The following FGF12 variants were observed in gnomAD, a reference collection of about 807,000 sequenced individuals.
The protein encoded by FGF12 is fibroblast growth factor 12, also known as fibroblast growth factor 12B.
A neutral mutation model predicts 23.6 loss-of-function variants in FGF12; 14 were observed. That is an observed-to-expected ratio of 0.59 (90% CI 0.39 to 0.93). FGF12 has a LOEUF of 0.93. FGF12 is among the 40% of genes least tolerant of loss of function. The probability of loss-of-function intolerance (pLI) is 0.00; values close to 1 mark genes in which losing one functional copy is unlikely to be tolerated. For missense variants in FGF12, 175 were observed against 217.8 expected (o/e 0.80, Z 1.24); for synonymous variants, 62 against 77.3 (o/e 0.80, Z 1.04).
At chr3:192,258,221 G>A (rs150333878) in intron 4 of FGF12, among the ~76,000 whole-genome samples, 13,864 of 152,130 alleles carry the variant, frequency 0.091, 852 homozygotes, top group East Asian at 0.23. Flanking sequence ...AATTTGGGAG[G>A]CCAAGGTGGA....
chr3:192,609,788 A>C (rs1419389266), intron 2 of FGF12, among the ~76,000 whole-genome samples: 1 of 152,104 alleles, frequency 6.6e-6, no homozygotes, highest in East Asian at 1.9e-4. Context: ...TACCCCTTTT[A>C]ATATTTTTCT....
chr3:192,325,028 A>G (rs1716745629), intron 4 of FGF12, among the ~76,000 whole-genome samples: 1 of 152,320 alleles, frequency 6.6e-6, no homozygotes, highest in Admixed American at 6.5e-5. Context: ...TGTAAGTTAA[A>G]AATGGATGCT....
chr3:192,284,295 C>T (rs1337216131), intron 4 of FGF12, among the ~76,000 whole-genome samples: 3 of 152,106 alleles, frequency 2.0e-5, no homozygotes, highest in African/African-American at 2.4e-5. Context: ...TCACAGGGCA[C>T]CCTGCCCATT....
intron 2 of FGF12, among the ~76,000 whole-genome samples, chr3:192,385,564 C>G (rs189842648): frequency 1.5e-4 from 23 of 152,130 alleles, no homozygotes; most frequent in African/African-American, 3.4e-4. Context: ...ATTCACCCCC[C>G]CCAGCTCATA....
intron 2 of FGF12, chr3:192,533,919 CA>C (rs1725160659): frequency 6.6e-6 from 1 of 151,504 alleles, no homozygotes; most frequent in Non-Finnish European, 1.5e-5. Context: ...TAAATGTCGA[CA>C]AAACAAACCC....
At chr3:192,147,847 T>C (rs990220275) in intron 5 of FGF12, among the ~76,000 whole-genome samples, 4 of 152,218 alleles carry the variant, frequency 2.6e-5, no homozygotes, top group Non-Finnish European at 5.9e-5. Context: ...CTTATGTCTG[T>C]ATGTTAATCA....
chr3:192,389,045 C>T (rs1187975336), intron 2 of FGF12, among the ~76,000 whole-genome samples: 1 of 152,098 alleles, frequency 6.6e-6, no homozygotes, highest in Non-Finnish European at 1.5e-5. Context: ...TAATTAATGG[C>T]TAACCAATGT....
At chr3:192,722,699 C>A (rs753055590) in intron 2 of FGF12, among the ~76,000 whole-genome samples, 20 of 152,140 alleles carry the variant, frequency 1.3e-4, no homozygotes, top group Non-Finnish European at 2.6e-4. Context: ...GGCTATCCAA[C>A]GCATATAATT....
intron 2 of FGF12, among the ~76,000 whole-genome samples, chr3:192,640,798 TG>T (rs1428499995): frequency 6.9e-3 from 125 of 18,144 alleles, no homozygotes; most frequent in South Asian, 0.027. Flanking sequence ...CCCTTTTTTT[TG>T]TTTGTTTGTT....
At chr3:192,669,414 C>T (rs1046718145) in intron 2 of FGF12, among the ~76,000 whole-genome samples, 1 of 141,050 alleles carries the variant, frequency 7.1e-6, no homozygotes, top group South Asian at 2.4e-4. Context: ...AACAAAATTC[C>T]GTCTCTACAG....
chr3:192,680,533 G>A (rs1047214994), intron 2 of FGF12, among the ~76,000 whole-genome samples: 1 of 152,184 alleles, frequency 6.6e-6, no homozygotes, highest in Non-Finnish European at 1.5e-5. Flanking sequence ...AGGTCAGACT[G>A]TGTTGTGAGG....
chr3:192,588,242 C>T (rs1452223388), intron 2 of FGF12, among the ~76,000 whole-genome samples: 4 of 146,864 alleles, frequency 2.7e-5, no homozygotes, highest in African/African-American at 7.5e-5. Flanking sequence ...CCCAGCTACT[C>T]GGGAGGCTGA....
chr3:192,168,253 C>T (rs146384664), intron 5 of FGF12, among the ~76,000 whole-genome samples: 4 of 152,136 alleles, frequency 2.6e-5, no homozygotes, highest in African/African-American at 2.4e-5. Context: ...AAAAATGATG[C>T]AATAATTAAG....
intron 2 of FGF12, among the ~76,000 whole-genome samples, chr3:192,419,062 T>TC (rs771785935): frequency 1.9e-4 from 29 of 152,276 alleles, no homozygotes; most frequent in Admixed American, 7.8e-4. Flanking sequence ...AAGCTAAAAG[T>TC]CATAGAAAGT....
chr3:192,505,751 G>A (rs1179334357), intron 2 of FGF12, among the ~76,000 whole-genome samples: 5 of 152,104 alleles, frequency 3.3e-5, no homozygotes, highest in Non-Finnish European at 7.4e-5. Context: ...AGGTAACTGC[G>A]GTTAATTGAA....
At chr3:192,710,575 CA>C (rs765991524) in intron 2 of FGF12, among the ~76,000 whole-genome samples, 4 of 152,142 alleles carry the variant, frequency 2.6e-5, no homozygotes, top group Non-Finnish European at 5.9e-5. Context: ...GCACAATCTT[CA>C]AAAGTTTAGA....
intron 2 of FGF12, among the ~76,000 whole-genome samples, chr3:192,623,837 G>C (rs1715061473): frequency 6.6e-6 from 1 of 152,098 alleles, no homozygotes; most frequent in Non-Finnish European, 1.5e-5. Context: ...TCAGAGCTGA[G>C]CCCTTCTTTG....
At chr3:192,672,848 A>G (rs1419536623) in intron 2 of FGF12, 2 of 150,586 alleles carry the variant, frequency 1.3e-5, no homozygotes, top group Admixed American at 6.7e-5. Context: ...CTCCTGTTCA[A>G]CTCAATTTCA....
intron 5 of FGF12, among the ~76,000 whole-genome samples, chr3:192,158,564 CTTT>C (rs1714654525): frequency 1.6e-5 from 2 of 128,574 alleles, no homozygotes; most frequent in African/African-American, 3.4e-5. Flanking sequence ...CCCTCCCTCC[CTTT>C]CTTTCTCTTT....
Sources: allele counts gnomAD v4.1 joint callset (sites outside exome capture counted in the v4.1 genomes callset), GRCh38; gene constraint gnomAD v4.1.1; transcripts MANE v1.5; gene names NCBI Gene and HGNC (gene_info 2026-07-23, HGNC 2026-07-21).